The following PALM2AKAP2 variants were observed in gnomAD, a reference collection of about 807,000 sequenced individuals.
The protein encoded by PALM2AKAP2 is PALM2 and AKAP2 fusion.
Under a neutral mutation model 71.5 loss-of-function variants are expected in PALM2AKAP2, and 37 were observed. That is an observed-to-expected ratio of 0.52 (90% confidence interval 0.40 to 0.68). The LOEUF is 0.68. PALM2AKAP2 is among the 30% of genes least tolerant of loss of function. The pLI, the probability that PALM2AKAP2 is intolerant of heterozygous loss-of-function variation, is 0.00. For missense variants in PALM2AKAP2, 1,224 were observed against 1,191.8 expected, an observed-to-expected ratio of 1.03 and a Z score of -0.40; for synonymous variants, 468 against 478.8, an observed-to-expected ratio of 0.98 and a Z score of 0.29.
chr9:110,082,519 A>G (rs1040058888), intron 1 of PALM2AKAP2, among the ~76,000 whole-genome samples: 1 of 152,240 alleles, frequency 6.6e-6, no homozygotes, highest in Non-Finnish European at 1.5e-5. Flanking sequence ...CTTACGTACA[A>G]TAAAGTTTAG....
At chr9:109,772,835 C>T (rs746981897) in intron 1 of PALM2AKAP2, among the ~76,000 whole-genome samples, 6 of 152,314 alleles carry the variant, frequency 3.9e-5, no homozygotes, top group Admixed American at 2.6e-4. Context: ...GTTGCAAGGT[C>T]GGGCCGGGTG....
At chr9:109,664,381 C>A (rs182019826) in intron 1 of PALM2AKAP2, among the ~76,000 whole-genome samples, 99 of 152,280 alleles carry the variant, frequency 6.5e-4, no homozygotes, top group Non-Finnish European at 5.6e-4. Flanking sequence ...TAAGGCAGGC[C>A]TGGTGGTGAC....
intron 2 of PALM2AKAP2, among the ~76,000 whole-genome samples, chr9:110,147,523 CTTTTG>C (rs1445133770): frequency 2.0e-5 from 3 of 152,136 alleles, no homozygotes; most frequent in African/African-American, 7.2e-5. Flanking sequence ...TACAGTTGCT[CTTTTG>C]TTTTAAGAAA....
intron 1 of PALM2AKAP2, among the ~76,000 whole-genome samples, chr9:110,111,305 C>G (rs1835247070): frequency 6.6e-6 from 1 of 151,998 alleles, no homozygotes; most frequent in Admixed American, 6.5e-5. Context: ...GTTGCCTAGG[C>G]TGGTCTTGAG....
intron 6 of PALM2AKAP2, among the ~76,000 whole-genome samples, chr9:110,011,004 A>ATAT (rs1451603143): frequency 1.0e-5 from 1 of 97,178 alleles, no homozygotes; most frequent in African/African-American, 5.6e-5. Flanking sequence ...CTCAAAAAAA[A>ATAT]AAAAAAAAAA....
intron 1 of PALM2AKAP2, among the ~76,000 whole-genome samples, chr9:109,831,090 A>G (rs1227751976): frequency 6.6e-6 from 1 of 150,976 alleles, no homozygotes; most frequent in Admixed American, 6.6e-5. Context: ...GATTTTTAGT[A>G]GGGATTTCTA....
intron 3 of PALM2AKAP2, among the ~76,000 whole-genome samples, chr9:110,161,412 T>C (rs1836592366): frequency 6.6e-6 from 1 of 152,208 alleles, no homozygotes; most frequent in Non-Finnish European, 1.5e-5. Flanking sequence ...TTTTCTGTAC[T>C]TTGAGTAAGA....
chr9:110,088,703 G>GTTTTTTTTTTTTTTTT (rs71373964), intron 1 of PALM2AKAP2, among the ~76,000 whole-genome samples: 1 of 75,574 alleles, frequency 1.3e-5, no homozygotes, highest in Non-Finnish European at 2.8e-5. Flanking sequence ...GCATTTACGT[G>GTTTTTTTTTTTTTTTT]TTTTTTTTTT....
chr9:109,837,110 T>C (rs1188018302), intron 1 of PALM2AKAP2, among the ~76,000 whole-genome samples: 1 of 151,892 alleles, frequency 6.6e-6, no homozygotes, highest in Non-Finnish European at 1.5e-5. Context: ...AAGGAAAAAA[T>C]GTTAAGGGCA....
chr9:109,784,942 A>G (rs1450352834), intron 1 of PALM2AKAP2, among the ~76,000 whole-genome samples: 1 of 152,228 alleles, frequency 6.6e-6, no homozygotes, highest in Non-Finnish European at 1.5e-5. Flanking sequence ...AGTGCATAGA[A>G]ATACCCAACA....
chr9:109,983,841 G>A (rs1832322867), intron 6 of PALM2AKAP2, among the ~76,000 whole-genome samples: 1 of 151,460 alleles, frequency 6.6e-6, no homozygotes, highest in South Asian at 2.1e-4. Flanking sequence ...CTGCAGCCTG[G>A]GCAATAGAGC....
intron 1 of PALM2AKAP2, among the ~76,000 whole-genome samples, chr9:109,646,361 C>G (rs1448630364): frequency 6.6e-6 from 1 of 152,204 alleles, no homozygotes; most frequent in African/African-American, 2.4e-5. Context: ...AGTATGGGAT[C>G]CAAAAGGCAC....
At chr9:109,884,543 TATGAGTGACTTC>T (rs1829924830) in intron 3 of PALM2AKAP2, among the ~76,000 whole-genome samples, 1 of 152,066 alleles carries the variant, frequency 6.6e-6, no homozygotes, top group African/African-American at 2.4e-5. Context: ...TAAGAGAGAA[TATGAGTGACTTC>T]AAGATCAAAT....
At chr9:110,122,630 T>C (rs919678152) in intron 1 of PALM2AKAP2, among the ~76,000 whole-genome samples, 1 of 152,212 alleles carries the variant, frequency 6.6e-6, no homozygotes, top group African/African-American at 2.4e-5. Flanking sequence ...ACCATAGATA[T>C]TGGCTGCGTG....
chr9:110,097,657 G>C, intron 1 of PALM2AKAP2, among the ~76,000 whole-genome samples: 2 of 146,814 alleles, frequency 1.4e-5, no homozygotes, highest in African/African-American at 2.7e-5. Flanking sequence ...GCTGGGCAGA[G>C]ATGCTCCTCA....
At chr9:109,764,350 C>A (rs1829111374) in intron 1 of PALM2AKAP2, among the ~76,000 whole-genome samples, 1 of 152,018 alleles carries the variant, frequency 6.6e-6, no homozygotes, top group Non-Finnish European at 1.5e-5. Flanking sequence ...AGGGTGTCTC[C>A]CAGAACTCTA....
At chr9:110,152,260 A>G (rs867528400) in intron 2 of PALM2AKAP2, among the ~76,000 whole-genome samples, 5 of 152,028 alleles carry the variant, frequency 3.3e-5, no homozygotes, top group Middle Eastern at 3.2e-3. Flanking sequence ...AAAGTGTTCT[A>G]TAGAGTGTTC....
intron 1 of PALM2AKAP2, among the ~76,000 whole-genome samples, chr9:110,105,388 G>C (rs1028611525): frequency 1.3e-5 from 2 of 151,894 alleles, no homozygotes; most frequent in Admixed American, 1.3e-4. Context: ...ATCCTACTTG[G>C]GAATTGAATT....
At chr9:110,113,378 A>G (rs1006822566) in intron 1 of PALM2AKAP2, among the ~76,000 whole-genome samples, 14 of 151,744 alleles carry the variant, frequency 9.2e-5, no homozygotes, top group African/African-American at 2.7e-4. Flanking sequence ...AGCTGGAACT[A>G]CAGGCGTGCA....
Sources: gnomAD v4.1 joint callset for allele counts (sites outside exome capture counted in the v4.1 genomes callset) on GRCh38, gnomAD v4.1.1 for gene constraint, MANE v1.5 for transcripts, NCBI Gene and HGNC (gene_info 2026-07-23, HGNC 2026-07-21) for gene names.